Variants in MCTP1 observed in about 807,000 individuals in gnomAD.
MCTP1 encodes multiple C2 and transmembrane domain-containing protein 1.
Under a neutral mutation model 120.6 loss-of-function variants are expected in MCTP1, and 69 were observed. The observed-to-expected ratio is 0.57, with a 90% confidence interval of 0.47 to 0.70. MCTP1 has a LOEUF of 0.70. Among genes scored for constraint, MCTP1 ranks in the 30% least tolerant of loss-of-function variants. MCTP1 has a pLI of 0.00. For synonymous variants in MCTP1, 529 were observed against 493.1 expected (o/e 1.07, Z -0.96); for missense variants, 1,203 against 1,248.8 (o/e 0.96, Z 0.55).
chr5:95,233,741 A>T (rs1212012336), intron 1 of MCTP1, among the ~76,000 whole-genome samples: 1 of 152,240 alleles, frequency 6.6e-6, no homozygotes, highest in African/African-American at 2.4e-5. Flanking sequence ...GATGCCACTC[A>T]AGTAGTGTTT....
At chr5:95,085,400 T>G (rs1489328665) in intron 1 of MCTP1, among the ~76,000 whole-genome samples, 1 of 44,552 alleles carries the variant, frequency 2.2e-5, no homozygotes, top group African/African-American at 8.7e-5. Context: ...TATAGATCCT[T>G]TAAATTTTTT....
At chr5:95,249,273 G>C in intron 1 of MCTP1, among the ~76,000 whole-genome samples, 1 of 151,842 alleles carries the variant, frequency 6.6e-6, no homozygotes, top group East Asian at 1.9e-4. Context: ...TCTGACAAAG[G>C]GCTAATATTC....
intron 18 of MCTP1, among the ~76,000 whole-genome samples, chr5:94,798,692 GATTC>G (rs1423913110): frequency 6.6e-6 from 1 of 152,008 alleles, no homozygotes; most frequent in African/African-American, 2.4e-5. Context: ...CTTAAATCAG[GATTC>G]ATTAAGATAT....
intron 1 of MCTP1, among the ~76,000 whole-genome samples, chr5:95,164,108 G>A (rs1159663344): frequency 2.0e-5 from 3 of 151,966 alleles, no homozygotes; most frequent in African/African-American, 7.3e-5. Flanking sequence ...AACCAGCCCT[G>A]GTACCTACTG....
At chr5:94,952,843 T>A (rs764492816) in intron 3 of MCTP1, among the ~76,000 whole-genome samples, 3 of 151,648 alleles carry the variant, frequency 2.0e-5, no homozygotes, top group Admixed American at 6.6e-5. Context: ...CAGCCAGAAA[T>A]GGCAGATCTT....
intron 17 of MCTP1, among the ~76,000 whole-genome samples, chr5:94,822,145 C>T (rs1228184516): frequency 1.3e-5 from 2 of 152,026 alleles, no homozygotes; most frequent in Admixed American, 6.6e-5. Flanking sequence ...TGTTCCATAG[C>T]GGTTTGCTCC....
At chr5:95,029,661 C>T (rs1477694206) in intron 1 of MCTP1, among the ~76,000 whole-genome samples, 1 of 152,140 alleles carries the variant, frequency 6.6e-6, no homozygotes, top group Non-Finnish European at 1.5e-5. Context: ...CTGACAATCT[C>T]CGGACAGCCA....
In MCTP1 at chr5:95,262,965, G is replaced by A. The variant is rs543926941; in HGVS notation, c.720+20891C>T. On this transcript the variant is annotated intron_variant, in intron 1 of 22. Transcript: ENST00000515393. ...TTACTATGTGCAAAGCATATATGAA[G>A]CAAAGGGAGTGACTACAAGTGACTC... Among the ~76,000 whole-genome samples the A allele has an allele frequency of 7.9e-5, 12 of 152,250 alleles. No homozygotes were observed. The South Asian group carries it at 1.9e-3, about 24-fold the overall frequency.
Position 95,284,243 on chromosome 5 carries a change from G to T in MCTP1, c.333C>A (p.Gly111=). 1 of 1,586,132 alleles carries T rather than the reference G, an allele frequency of 6.3e-7. No individual in the cohort carries two copies. Among genetic ancestry groups the T allele is most frequent in the South Asian group, 1.1e-5 (1 of 89,154 alleles). Residue 111 remains glycine, a synonymous_variant, in exon 1 of 23, where the codon GGC becomes GGA. Transcript: ENST00000515393. The surrounding 1 kb of genome is among the most constrained non-coding windows in gnomAD (Gnocchi z 5.2). ...CSSPEPLEPG[G]AGRAEQGSTL... is the part of the protein sequence containing the mutation. Reference sequence around the variant, plus strand: ...TGGACCCCTGCTCGGCTCTGCCGGCGCCGCCGGGCTCCAGGGGCTCCGGCG... The same window carrying T: ...TGGACCCCTGCTCGGCTCTGCCGGCTCCGCCGGGCTCCAGGGGCTCCGGCG...
chr5:94,789,146 G>A (rs1468101256), intron 18 of MCTP1: 1 of 152,180 alleles, frequency 6.6e-6, no homozygotes, highest in Non-Finnish European at 1.5e-5. Flanking sequence ...TAAGAACTAA[G>A]AGTACCTCTT....
chr5:95,092,741 C>T (rs1442865227), intron 1 of MCTP1, among the ~76,000 whole-genome samples: 1 of 151,790 alleles, frequency 6.6e-6, no homozygotes, highest in East Asian at 1.9e-4. Context: ...GTGAATATAC[C>T]ATTTTCAAAA....
At chr5:94,956,232 G>C (rs1337397352) in intron 2 of MCTP1, among the ~76,000 whole-genome samples, 1 of 152,104 alleles carries the variant, frequency 6.6e-6, no homozygotes, top group Non-Finnish European at 1.5e-5. Flanking sequence ...TCAACAAAAA[G>C]GATGACCGTG....
intron 1 of MCTP1, among the ~76,000 whole-genome samples, chr5:95,135,080 G>T (rs1453742710): frequency 6.9e-6 from 1 of 145,024 alleles, no homozygotes. Flanking sequence ...CAGATACTGA[G>T]GTATGTGAAA....
intron 1 of MCTP1, among the ~76,000 whole-genome samples, chr5:95,240,895 T>C (rs1358343507): frequency 6.6e-6 from 1 of 151,542 alleles, no homozygotes; most frequent in Non-Finnish European, 1.5e-5. Flanking sequence ...TTTTGTTGTC[T>C]TCTCTCTCTC....
intron 5 of MCTP1, among the ~76,000 whole-genome samples, chr5:94,939,372 TC>T (rs35804176): frequency 6.6e-6 from 1 of 152,138 alleles, no homozygotes; most frequent in South Asian, 2.1e-4. Context: ...TTAGAGTAGT[TC>T]CCAGGCACAT....
intron 1 of MCTP1, among the ~76,000 whole-genome samples, chr5:95,064,941 C>A (rs1387896819): frequency 6.6e-6 from 1 of 152,120 alleles, no homozygotes; most frequent in South Asian, 2.1e-4. Flanking sequence ...CTATTTTTTC[C>A]ACCCTGATCC....
chr5:94,901,075 C>T (rs1327130682), intron 10 of MCTP1, among the ~76,000 whole-genome samples: 4 of 152,126 alleles, frequency 2.6e-5, no homozygotes, highest in Admixed American at 2.0e-4. Context: ...TCTGTTCTGA[C>T]GCTGCTAATA....
intron 16 of MCTP1, 85 bp from the exon 17 acceptor site, chr5:94,868,537 C>A: frequency 1.0e-6 from 1 of 970,400 alleles, no homozygotes; most frequent in South Asian, 3.0e-5. Context: ...CTTATTGTGA[C>A]TTAAAAAGGA....
intron 1 of MCTP1, among the ~76,000 whole-genome samples, chr5:95,170,175 A>G (rs1747054546): frequency 6.6e-6 from 1 of 152,206 alleles, no homozygotes; most frequent in Non-Finnish European, 1.5e-5. Flanking sequence ...TGTAGCCAGT[A>G]GTCATTCAGG....
Sources: allele counts gnomAD v4.1 joint callset (sites outside exome capture counted in the v4.1 genomes callset), GRCh38; gene constraint gnomAD v4.1.1; non-coding constraint Gnocchi (gnomAD v3.1); transcripts MANE v1.5; gene names NCBI Gene and HGNC (gene_info 2026-07-23, HGNC 2026-07-21).